The following MDGA2 variants were observed in gnomAD, a reference collection of about 807,000 sequenced individuals.
The protein encoded by MDGA2 is MAM domain containing glycosylphosphatidylinositol anchor 2, also known as MAM domain-containing glycosylphosphatidylinositol anchor protein 2.
Under a neutral mutation model 117.8 loss-of-function variants are expected in MDGA2, and 40 were observed. The ratio of observed to expected loss-of-function variants is 0.34; its 90% CI spans 0.26 to 0.44. MDGA2 has a LOEUF of 0.44. MDGA2 is among the 20% of genes least tolerant of loss of function. The pLI, the probability that MDGA2 is intolerant of heterozygous loss-of-function variation, is 1.00. For missense variants in MDGA2, 1,123 were observed against 1,250.6 expected (o/e 0.90, Z 1.54); for synonymous variants, 452 against 439.0 (o/e 1.03, Z -0.37).
At chr14:47,121,070 A>G (rs1390767734) in intron 5 of MDGA2, among the ~76,000 whole-genome samples, 1 of 152,164 alleles carries the variant, frequency 6.6e-6, no homozygotes, top group African/African-American at 2.4e-5. Context: ...TCATATCAGA[A>G]TATCAGGGGG....
At chr14:47,245,743 G>T (rs774026063) in intron 2 of MDGA2, among the ~76,000 whole-genome samples, 3 of 151,828 alleles carry the variant, frequency 2.0e-5, no homozygotes, top group Non-Finnish European at 4.4e-5. Context: ...AATATTTAAA[G>T]AAAAACATAC....
chr14:47,586,409 G>A (rs1037422034), intron 1 of MDGA2, among the ~76,000 whole-genome samples: 14 of 151,784 alleles, frequency 9.2e-5, no homozygotes, highest in Admixed American at 3.3e-4. Flanking sequence ...CCAAAATACT[G>A]GGATTTGAGT....
At chr14:47,176,998 A>C (rs1310643982) in intron 3 of MDGA2, among the ~76,000 whole-genome samples, 3 of 152,152 alleles carry the variant, frequency 2.0e-5, no homozygotes, top group African/African-American at 7.2e-5. Flanking sequence ...GAAGGACATG[A>C]ACAGACACTT....
At chr14:47,197,740 C>G (rs1885340011) in intron 3 of MDGA2, among the ~76,000 whole-genome samples, 1 of 152,108 alleles carries the variant, frequency 6.6e-6, no homozygotes, top group Non-Finnish European at 1.5e-5. Context: ...GAAACCCCGT[C>G]TCTACTAAAA....
At chr14:47,672,031 C>CT (rs1898084591) in intron 1 of MDGA2, among the ~76,000 whole-genome samples, 1 of 152,182 alleles carries the variant, frequency 6.6e-6, no homozygotes, top group South Asian at 2.1e-4. Context: ...GCCCTACACT[C>CT]TGAGTTTCTA....
intron 1 of MDGA2, among the ~76,000 whole-genome samples, chr14:47,334,193 A>G (rs542104390): frequency 5.3e-5 from 8 of 151,974 alleles, no homozygotes; most frequent in Non-Finnish European, 1.2e-4. Flanking sequence ...GTACAGAAAA[A>G]GCAAAAATTA....
At chr14:47,305,859 G>T (rs1233299699) in intron 1 of MDGA2, among the ~76,000 whole-genome samples, 1 of 152,204 alleles carries the variant, frequency 6.6e-6, no homozygotes, top group Non-Finnish European at 1.5e-5. Flanking sequence ...AGCTAAATCT[G>T]CCTGGGGGAG....
At chr14:47,381,527 A>C (rs1891627461) in intron 1 of MDGA2, among the ~76,000 whole-genome samples, 1 of 152,208 alleles carries the variant, frequency 6.6e-6, no homozygotes, top group Admixed American at 6.5e-5. Flanking sequence ...AGGATACAAA[A>C]TCAATGTGCA....
intron 3 of MDGA2, among the ~76,000 whole-genome samples, chr14:47,187,866 G>GGT (rs1194254213): frequency 1.3e-5 from 2 of 151,756 alleles, no homozygotes; most frequent in Non-Finnish European, 2.9e-5. Flanking sequence ...GGAAAGGAAG[G>GGT]GTACATCGGG....
At chr14:47,248,887 G>A (rs547285027) in intron 2 of MDGA2, among the ~76,000 whole-genome samples, 15 of 152,056 alleles carry the variant, frequency 9.9e-5, no homozygotes, top group South Asian at 2.1e-4. Flanking sequence ...TATTACCATT[G>A]CCTAAAAACC....
At chr14:47,588,571 G>C (rs1396119392) in intron 1 of MDGA2, among the ~76,000 whole-genome samples, 3 of 151,550 alleles carry the variant, frequency 2.0e-5, no homozygotes, top group Non-Finnish European at 2.9e-5. Flanking sequence ...TTTTTTAATT[G>C]AGTAATTTAT....
intron 1 of MDGA2, among the ~76,000 whole-genome samples, chr14:47,510,911 A>G (rs759517018): frequency 1.4e-5 from 2 of 141,234 alleles, no homozygotes; most frequent in Non-Finnish European, 1.6e-5. Context: ...ATCTCAGCTC[A>G]AATGTTTTTT....
intron 3 of MDGA2, among the ~76,000 whole-genome samples, chr14:47,179,363 G>A (rs984689694): frequency 1.3e-5 from 2 of 151,506 alleles, no homozygotes; most frequent in African/African-American, 2.4e-5. Context: ...TACATAGTTC[G>A]TTCTACTGTA....
At chr14:47,565,762 T>C (rs74459490) in intron 1 of MDGA2, among the ~76,000 whole-genome samples, 2,212 of 152,236 alleles carry the variant, frequency 0.015, 52 homozygotes, top group East Asian at 0.12. Context: ...CTGGGGTCCA[T>C]GTGCACACAT....
At position 46,841,335 on chromosome 14, in the gene MDGA2, G is replaced by C. The variant is rs980769349; in HGVS notation, c.*596C>G. ...AAATAATAATAATAAAGGTGGGATG[G>C]GGATAAGGTGGGGAGAAACATGAAT... is the stretch of plus-strand genomic sequence containing the variant. On this transcript the variant is annotated 3_prime_UTR_variant, in exon 17 of 17. Transcript: ENST00000399232. 4.8e-4 allele frequency: 74 copies of C among 152,594 alleles called. No individual in the cohort carries two copies. Among genetic ancestry groups the C allele is most frequent in the African/African-American group, 1.7e-3 (72 of 41,432 alleles). The allele number at this position is 152,594 out of a possible 1,614,324, so 9.5% of individuals were successfully genotyped here.
At chr14:47,629,007 T>C (rs1228195311) in intron 1 of MDGA2, among the ~76,000 whole-genome samples, 1 of 152,198 alleles carries the variant, frequency 6.6e-6, no homozygotes, top group African/African-American at 2.4e-5. Context: ...ACTCAACTCC[T>C]CCCTGTACCC....
chr14:46,924,387 A>C (rs935346376), intron 9 of MDGA2, among the ~76,000 whole-genome samples: 3 of 152,116 alleles, frequency 2.0e-5, no homozygotes, highest in African/African-American at 7.2e-5. Context: ...AACTGATTTC[A>C]GTAAAGTCAA....
intron 2 of MDGA2, among the ~76,000 whole-genome samples, chr14:47,238,983 C>A (rs767569391): frequency 6.6e-6 from 1 of 151,436 alleles, no homozygotes; most frequent in Non-Finnish European, 1.5e-5. Flanking sequence ...AAATTGTGAT[C>A]GGCTCTGCAA....
At chr14:47,550,136 A>C (rs1179664951) in intron 1 of MDGA2, among the ~76,000 whole-genome samples, 2 of 152,116 alleles carry the variant, frequency 1.3e-5, no homozygotes, top group Non-Finnish European at 2.9e-5. Context: ...CTCATAACTA[A>C]ATCAGTACCC....
Sources: gnomAD v4.1 joint callset for allele counts (sites outside exome capture counted in the v4.1 genomes callset) on GRCh38, gnomAD v4.1.1 for gene constraint, MANE v1.5 for transcripts, NCBI Gene and HGNC (gene_info 2026-07-23, HGNC 2026-07-21) for gene names.